Variants in COPG2 observed in about 807,000 individuals in gnomAD.
COPG2 encodes the protein coatomer subunit gamma-2.
A neutral mutation model predicts 46.3 loss-of-function variants in COPG2; 37 were observed. That is an observed-to-expected ratio of 0.80 (90% CI 0.61 to 1.05). The LOEUF (loss-of-function observed/expected upper bound fraction) is 1.05. Ranked by LOEUF, COPG2 falls within the 50% of genes least tolerant of loss-of-function variation. COPG2 has a pLI of 0.00. For synonymous variants in COPG2, 159 were observed against 129.7 expected (o/e 1.23, Z -1.53); for missense variants, 427 against 387.8 (o/e 1.10, Z -0.85).
At chr7:130,651,671 C>T (rs916350640) in intron 5 of COPG2, among the ~76,000 whole-genome samples, 4 of 151,302 alleles carry the variant, frequency 2.6e-5, no homozygotes, top group African/African-American at 9.7e-5. Flanking sequence ...CGCCCGCCAC[C>T]GCGCCCGGCT....
intron 19 of COPG2, 149 bp downstream of exon 19, chr7:130,548,254 C>T: frequency 2.5e-6 from 1 of 395,952 alleles, no homozygotes; most frequent in Non-Finnish European, 4.4e-6. Context: ...ATGAAGGGAT[C>T]TCTATAGCTC....
At chr7:130,645,200 T>G in intron 5 of COPG2, 1 of 675,138 alleles carries the variant, frequency 1.5e-6, no homozygotes, top group Admixed American at 1.8e-5. Flanking sequence ...GAGTACCCCC[T>G]TTCCAGAATG....
intron 5 of COPG2, among the ~76,000 whole-genome samples, chr7:130,627,256 AG>A (rs1795135656): frequency 6.6e-6 from 1 of 152,214 alleles, no homozygotes; most frequent in Non-Finnish European, 1.5e-5. Flanking sequence ...GGCAGGACCA[AG>A]GAAAAGCAAA....
At chr7:130,651,385 C>T (rs1490648183) in intron 5 of COPG2, among the ~76,000 whole-genome samples, 11 of 151,000 alleles carry the variant, frequency 7.3e-5, no homozygotes, top group Non-Finnish European at 1.0e-4. Context: ...GGCACGATCT[C>T]GGCTCACCGC....
chr7:130,628,363 T>C (rs1454556519), intron 5 of COPG2, among the ~76,000 whole-genome samples: 4 of 152,152 alleles, frequency 2.6e-5, no homozygotes, highest in African/African-American at 9.7e-5. Flanking sequence ...TTGTTTATAC[T>C]TCTTTAAATT....
intron 9 of COPG2, among the ~76,000 whole-genome samples, chr7:130,609,261 T>A (rs1794793885): frequency 6.6e-6 from 1 of 152,136 alleles, no homozygotes; most frequent in South Asian, 2.1e-4. Flanking sequence ...TGAATTTCCA[T>A]GTGTTATGGG....
At chr7:130,522,465 G>A (rs927841854) in intron 20 of COPG2, among the ~76,000 whole-genome samples, 3 of 152,132 alleles carry the variant, frequency 2.0e-5, no homozygotes, top group African/African-American at 7.2e-5. Context: ...TATTGTACGG[G>A]TGTGGAAGCT....
chr7:130,542,367 G>A (rs879080837), intron 20 of COPG2, among the ~76,000 whole-genome samples: 32 of 152,126 alleles, frequency 2.1e-4, no homozygotes, highest in Admixed American at 8.5e-4. Context: ...CGAGACGATG[G>A]AAGGCCAGAG....
chr7:130,634,444 A>G (rs782433481), intron 5 of COPG2, among the ~76,000 whole-genome samples: 20 of 152,144 alleles, frequency 1.3e-4, no homozygotes, highest in Non-Finnish European at 2.8e-4. Flanking sequence ...CCCATCCCTT[A>G]TAAGTTGAAT....
Position 130,590,850 on chromosome 7 carries a change from C to T in COPG2, c.737+20103G>A, listed in dbSNP as rs1305265266. The stretch of plus-strand genomic sequence containing the variant: ...GCCCCCCCGTCTGGGATGTGAGGAG[C>T]GTCTCTGCCCAGCCGCCCCGTCTGA... On this transcript the variant is annotated intron_variant, in intron 9 of 23. Transcript: ENST00000425248. Among the ~76,000 whole-genome samples, 15 of 151,900 alleles carry T rather than the reference C, an allele frequency of 9.9e-5. No individual in the cohort carries two copies. The East Asian group carries it at 2.4e-3, about 24-fold the overall frequency.
chr7:130,561,595 A>G (rs1793722562), intron 11 of COPG2, among the ~76,000 whole-genome samples: 1 of 152,060 alleles, frequency 6.6e-6, no homozygotes, highest in South Asian at 2.1e-4. Context: ...TTAATATCTT[A>G]TCAGTTAAAA....
chr7:130,633,584 T>C (rs782126639), intron 5 of COPG2, among the ~76,000 whole-genome samples: 4 of 152,182 alleles, frequency 2.6e-5, no homozygotes, highest in Non-Finnish European at 5.9e-5. Flanking sequence ...GTTTTTTTCT[T>C]GCAAATTTAA....
intron 11 of COPG2, among the ~76,000 whole-genome samples, chr7:130,561,715 CTT>C (rs1357327724): frequency 0.011 from 1,730 of 152,294 alleles, 11 homozygotes; most frequent in Admixed American, 0.013. Flanking sequence ...TGTCCCACCT[CTT>C]TGTCTATCCC....
intron 5 of COPG2, among the ~76,000 whole-genome samples, chr7:130,641,452 A>C (rs1795487129): frequency 6.6e-6 from 1 of 152,196 alleles, no homozygotes; most frequent in African/African-American, 2.4e-5. Context: ...GAGCTATCAT[A>C]GGATAAAATG....
chr7:130,636,559 T>G, intron 5 of COPG2, among the ~76,000 whole-genome samples: 1 of 86,248 alleles, frequency 1.2e-5, no homozygotes, highest in East Asian at 3.6e-4. Flanking sequence ...TTTTTTTTTT[T>G]GCTTTCATTT....
At chr7:130,638,717 C>T (rs1789732767) in intron 5 of COPG2, among the ~76,000 whole-genome samples, 1 of 100,568 alleles carries the variant, frequency 9.9e-6, no homozygotes, top group South Asian at 3.5e-4. Context: ...GGCTTCAGCC[C>T]CCTTTCCAGA....
At chr7:130,527,147 C>G (rs998516882) in intron 20 of COPG2, among the ~76,000 whole-genome samples, 1 of 151,430 alleles carries the variant, frequency 6.6e-6, no homozygotes, top group Admixed American at 6.6e-5. Context: ...CTGGAAGGAC[C>G]TGATGGGTGT....
intron 9 of COPG2, among the ~76,000 whole-genome samples, chr7:130,599,403 T>G (rs1381904991): frequency 6.6e-6 from 1 of 152,174 alleles, no homozygotes; most frequent in Non-Finnish European, 1.5e-5. Flanking sequence ...CACCCATTGG[T>G]GCCATGACAG....
At chr7:130,600,628 G>T (rs142932633) in intron 9 of COPG2, among the ~76,000 whole-genome samples, 29,413 of 151,934 alleles carry the variant, frequency 0.19, 3,031 homozygotes, top group Middle Eastern at 0.25. Context: ...ATTGCTACAT[G>T]GCATTTTTTA....
Sources: allele counts gnomAD v4.1 joint callset (sites outside exome capture counted in the v4.1 genomes callset), GRCh38; gene constraint gnomAD v4.1.1; transcripts MANE v1.5; gene names NCBI Gene and HGNC (gene_info 2026-07-23, HGNC 2026-07-21).